MYO1E: variants seen among roughly 807,000 people sequenced by gnomAD.
MYO1E encodes the protein myosin IE, also known as unconventional myosin-Ie.
A neutral mutation model predicts 151.1 loss-of-function variants in MYO1E; 68 were observed. The observed-to-expected ratio is 0.45, with a 90% CI of 0.37 to 0.55. The LOEUF is 0.55. MYO1E is among the 20% of genes least tolerant of loss of function. The pLI, the probability that MYO1E is intolerant of heterozygous loss-of-function variation, is 0.00. For missense variants in MYO1E, 1,363 were observed against 1,389.3 expected (o/e 0.98, Z 0.30); for synonymous variants, 601 against 501.7 (o/e 1.20, Z -2.64).
chr15:59,241,623 G>A (rs2080100098), intron 4 of MYO1E, among the ~76,000 whole-genome samples: 1 of 152,160 alleles, frequency 6.6e-6, no homozygotes, highest in Non-Finnish European at 1.5e-5. Flanking sequence ...AGAATCACTT[G>A]AACCTAGGGG....
intron 1 of MYO1E, among the ~76,000 whole-genome samples, chr15:59,327,109 T>C (rs1339116971): frequency 6.6e-6 from 1 of 151,898 alleles, no homozygotes; most frequent in Non-Finnish European, 1.5e-5. Context: ...TCTCCCTTTA[T>C]GGGTAAGGCG....
At chr15:59,301,703 AC>A (rs2080483529) in intron 1 of MYO1E, among the ~76,000 whole-genome samples, 1 of 152,204 alleles carries the variant, frequency 6.6e-6, no homozygotes, top group African/African-American at 2.4e-5. Context: ...GAGGCTTAGC[AC>A]TGGAGCCTGC....
intron 10 of MYO1E, among the ~76,000 whole-genome samples, chr15:59,217,172 C>T (rs1168121942): frequency 6.6e-6 from 1 of 152,202 alleles, no homozygotes; most frequent in Non-Finnish European, 1.5e-5. Flanking sequence ...AAATATCTCA[C>T]CCTCAGAAAC....
At chr15:59,324,206 G>C (rs2080647484) in intron 1 of MYO1E, among the ~76,000 whole-genome samples, 1 of 152,134 alleles carries the variant, frequency 6.6e-6, no homozygotes, top group African/African-American at 2.4e-5. Flanking sequence ...AGAAAACCCA[G>C]ACTCCAATTA....
At chr15:59,305,195 T>C (rs1372646119) in intron 1 of MYO1E, among the ~76,000 whole-genome samples, 5 of 152,166 alleles carry the variant, frequency 3.3e-5, no homozygotes, top group Non-Finnish European at 7.3e-5. Context: ...AATTTATTTA[T>C]TATTTATTTA....
intron 13 of MYO1E, among the ~76,000 whole-genome samples, chr15:59,209,449 G>C (rs1447949567): frequency 6.8e-6 from 1 of 146,718 alleles, no homozygotes; most frequent in African/African-American, 2.5e-5. Context: ...AGGCCGAGGG[G>C]GGTGGATCAC....
At chr15:59,166,309 A>C (rs961354533) in intron 22 of MYO1E, among the ~76,000 whole-genome samples, 2 of 152,144 alleles carry the variant, frequency 1.3e-5, no homozygotes, top group African/African-American at 4.8e-5. Flanking sequence ...TTATCTTTGG[A>C]CTTCACCCCT....
At chr15:59,178,576 G>A (rs201974917) in intron 18 of MYO1E, 39 bp from the exon 19 acceptor site, 145 of 1,607,118 alleles carry the variant, frequency 9.0e-5, no homozygotes, top group Middle Eastern at 1.7e-4. Context: ...ACACTTGGGC[G>A]GGACCGCACT....
chr15:59,352,604 G>C (rs1036814096), intron 1 of MYO1E, among the ~76,000 whole-genome samples: 13 of 152,048 alleles, frequency 8.5e-5, no homozygotes, highest in South Asian at 6.2e-4. Flanking sequence ...CCTTAAACAC[G>C]GTACCTAACT....
intron 14 of MYO1E, chr15:59,206,826 G>T (rs79635897): frequency 0.066 from 69,435 of 1,050,784 alleles, 2,679 homozygotes; most frequent in African/African-American, 0.16. Context: ...AGGGGGCGGG[G>T]CACGCGCACC....
At chr15:59,302,312 T>C (rs1401703411) in intron 1 of MYO1E, among the ~76,000 whole-genome samples, 1 of 152,228 alleles carries the variant, frequency 6.6e-6, no homozygotes, top group Admixed American at 6.5e-5. Context: ...ACCTTCTATA[T>C]GATCACAGAC....
chr15:59,171,659 C>T lies in MYO1E; in HGVS notation c.2480+238G>A, dbSNP rs76174097. Reference sequence around the variant, plus strand: ...GTTTCGGTTACAAGAGATCTGGGTCCCCCTTGATTAGAGGAGCTGTCCGGA... The same window carrying T: ...GTTTCGGTTACAAGAGATCTGGGTCTCCCTTGATTAGAGGAGCTGTCCGGA... On this transcript the variant is annotated intron_variant, in intron 22 of 27. Coordinates refer to ENST00000288235, the MANE Select transcript of MYO1E (RefSeq NM_004998.4). Among the ~76,000 whole-genome samples the T allele has an allele frequency of 3.1e-4, 47 of 152,262 alleles. 1 individual carries two copies. Among genetic ancestry groups the T allele is most frequent in the Admixed American group, 1.6e-3 (25 of 15,308 alleles).
intron 26 of MYO1E, among the ~76,000 whole-genome samples, chr15:59,140,992 G>A (rs767754149): frequency 1.3e-5 from 2 of 152,212 alleles, no homozygotes; most frequent in Non-Finnish European, 2.9e-5. Flanking sequence ...CCCATTCCCT[G>A]TTCAAGAAGT....
intron 1 of MYO1E, among the ~76,000 whole-genome samples, chr15:59,316,815 A>C (rs2080592120): frequency 6.6e-6 from 1 of 152,230 alleles, no homozygotes; most frequent in African/African-American, 2.4e-5. Context: ...TGTAAGGAAG[A>C]TATCATACAA....
At chr15:59,191,459 G>A (rs1223158247) in intron 17 of MYO1E, among the ~76,000 whole-genome samples, 1 of 151,458 alleles carries the variant, frequency 6.6e-6, no homozygotes, top group Non-Finnish European at 1.5e-5. Context: ...ACTCGCCACT[G>A]GCCTTTTCTC....
chr15:59,150,211 T>A (rs1302125517), intron 26 of MYO1E, among the ~76,000 whole-genome samples: 1 of 152,220 alleles, frequency 6.6e-6, no homozygotes, highest in Non-Finnish European at 1.5e-5. Flanking sequence ...CAAGGAAATC[T>A]TAATGCCTAG....
At chr15:59,348,908 G>A (rs2080808708) in intron 1 of MYO1E, 1 of 152,310 alleles carries the variant, frequency 6.6e-6, no homozygotes, top group South Asian at 2.1e-4. Flanking sequence ...TGGGATTATA[G>A]GCGTGAGCCA....
intron 8 of MYO1E, 122 bp from the exon 9 acceptor site, chr15:59,223,313 AAG>A (rs374991623): frequency 3.7e-5 from 40 of 1,073,328 alleles, no homozygotes; most frequent in South Asian, 1.2e-4. Context: ...ACGAGTTACA[AAG>A]AAAAAAAAAA....
chr15:59,182,305 C>T (rs1295411552), intron 18 of MYO1E, among the ~76,000 whole-genome samples: 2 of 152,076 alleles, frequency 1.3e-5, no homozygotes, highest in Admixed American at 6.5e-5. Flanking sequence ...CTGCGCCTCC[C>T]GGGTTCAAGC....
Sources: allele counts gnomAD v4.1 joint callset (sites outside exome capture counted in the v4.1 genomes callset), GRCh38; gene constraint gnomAD v4.1.1; transcripts MANE v1.5; gene names NCBI Gene and HGNC (gene_info 2026-07-23, HGNC 2026-07-21).